The following COL3A1 variants were observed in gnomAD, a reference collection of about 807,000 sequenced individuals.
COL3A1 encodes collagen type III alpha 1 chain.
A neutral mutation model predicts 200.9 loss-of-function variants in COL3A1; 46 were observed. That is an observed-to-expected ratio of 0.23 (90% CI 0.18 to 0.29). COL3A1 has a LOEUF of 0.29. Among genes scored for constraint, COL3A1 ranks in the 10% least tolerant of loss-of-function variants. COL3A1 has a pLI of 1.00. For missense variants in COL3A1, 1,367 were observed against 1,917.6 expected, an observed-to-expected ratio of 0.71 and a Z score of 5.36; for synonymous variants, 650 against 628.0, an observed-to-expected ratio of 1.03 and a Z score of -0.52.
In COL3A1 at chr2:188,990,369, A is replaced by C; in HGVS notation, c.798+9A>C. The C allele has an allele frequency of 6.2e-7, 1 of 1,611,966 alleles. No individual in the cohort carries two copies. The highest frequency in any genetic ancestry group is 2.2e-5 in the East Asian group (1 of 44,814). On this transcript the variant is annotated intron_variant, in intron 10 of 50. Coordinates refer to ENST00000304636, the MANE Select transcript of COL3A1 (RefSeq NM_000090.4). ...GTATGAAAGGACACAGAGTAAGTAG[A>C]GTTTCTAAGTTGTTTACAAGGTATT...
Position 188,987,103 on chromosome 2 carries a change from A to T in COL3A1, c.492A>T (p.Val164=). 6.2e-7 allele frequency: 1 copy of T among 1,613,110 alleles called. No homozygotes were observed. The highest frequency in any genetic ancestry group is 1.3e-5 in the African/African-American group (1 of 75,016). Residue 164 remains valine (V), a synonymous_variant, in exon 5 of 51, where the codon GTA becomes GTT. Transcript: ENST00000304636. ...ATTCATATGATGTCAAGTCTGGAGT[A>T]GCAGTAGGAGGACTCGCAGGCTATC... ...QYDSYDVKSG[V]AVGGLAGYPG...
At position 188,999,451 on chromosome 2, in the gene COL3A1, A is replaced by G. The variant is rs1355273672; in HGVS notation, c.2122-19A>G. Reference sequence around the variant, plus strand: ...TTTGATTTCCTTCTGATCATTTATTATTTCTCACTTATTTTCAGGGTGCTG... The same window carrying G: ...TTTGATTTCCTTCTGATCATTTATTGTTTCTCACTTATTTTCAGGGTGCTG... On this transcript the variant is annotated intron_variant, in intron 30 of 50. Coordinates refer to ENST00000304636, the MANE Select transcript of COL3A1 (RefSeq NM_000090.4). The G allele has an allele frequency of 1.9e-6, 3 of 1,613,972 alleles. No homozygotes were observed. The highest frequency in any genetic ancestry group is 4.5e-5 in the East Asian group (2 of 44,864).
Position 188,994,876 on chromosome 2 carries a change from C to T in COL3A1, c.1455+45C>T. The stretch of plus-strand genomic sequence containing the variant: ...TCTAAAAGAAAAGCAGCATCACTGT[C>T]ATCTAAATAAAACTACCTTCAGGGT... On this transcript the variant is annotated intron_variant, in intron 20 of 50. Coordinates refer to ENST00000304636, the MANE Select transcript of COL3A1 (RefSeq NM_000090.4). This position sits in a 1 kb window ranked among gnomAD's most constrained non-coding sequence, Gnocchi z 4.5. 1 of 1,601,590 alleles carries T rather than the reference C, an allele frequency of 6.2e-7. No individual in the cohort carries two copies. Among genetic ancestry groups the T allele is most frequent in the Non-Finnish European group, 8.5e-7 (1 of 1,169,976 alleles).
chr2:188,998,808 C>T, intron 29 of COL3A1, 90 bp downstream of exon 29: 1 of 1,176,292 alleles, frequency 8.5e-7, no homozygotes, highest in Non-Finnish European at 1.3e-6. Context: ...CCAAAATACT[C>T]TTTCTTTAAA....
Position 189,011,687 on chromosome 2 carries a change from A to G in COL3A1, c.4314A>G (p.Arg1438=), listed in dbSNP as rs113250569. The stretch of plus-strand genomic sequence containing the variant: ...AATATCGAACACGCAAGGCTGTGAG[A>G]CTACCTATTGTAGATATTGCACCCT... ...VFEYRTRKAV[R]LPIVDIAPYD... Residue 1438 remains arginine (R), a synonymous_variant, in exon 51 of 51, where the codon AGA becomes AGG. Coordinates refer to ENST00000304636, the MANE Select transcript of COL3A1 (RefSeq NM_000090.4). 8 of 1,613,902 alleles carry G rather than the reference A, an allele frequency of 5.0e-6. No individual in the cohort carries two copies. Among genetic ancestry groups the G allele is most frequent in the Non-Finnish European group, 6.8e-6 (8 of 1,179,936 alleles).
At chr2:188,995,485 A>C (rs1688285392) in intron 21 of COL3A1, 2 of 563,542 alleles carry the variant, frequency 3.5e-6, no homozygotes, top group East Asian at 6.0e-5. Context: ...TGTTTTATTA[A>C]GCATGTGATG....
At chr2:188,976,444 C>A (rs976688841) in intron 1 of COL3A1, among the ~76,000 whole-genome samples, 15 of 152,174 alleles carry the variant, frequency 9.9e-5, no homozygotes, top group Non-Finnish European at 1.9e-4. Flanking sequence ...GAGAACTGTT[C>A]AGCCTATTTT....
intron 13 of COL3A1, 45 bp downstream of exon 13, chr2:188,991,767 A>G (rs2153502128): frequency 6.3e-7 from 1 of 1,591,174 alleles, no homozygotes; most frequent in African/African-American, 1.3e-5. Context: ...CCAAAGTGAC[A>G]GATTTTTACA....
At chr2:188,979,935 G>A (rs775350944) in intron 1 of COL3A1, among the ~76,000 whole-genome samples, 43 of 151,566 alleles carry the variant, frequency 2.8e-4, no homozygotes, top group Non-Finnish European at 5.6e-4. Context: ...GTAAAATTAG[G>A]ATTATGACAG....
At chr2:188,974,638 A>G (rs913962006) in intron 1 of COL3A1, 70 bp downstream of exon 1, 2 of 1,248,916 alleles carry the variant, frequency 1.6e-6, no homozygotes, top group African/African-American at 1.5e-5. Flanking sequence ...AGAGGGGTGT[A>G]AAGGGGAAAA....
Position 188,985,177 on chromosome 2 carries a change from G to GT in COL3A1, c.283-17dup. The GT allele has an allele frequency of 6.2e-7, 1 of 1,610,852 alleles. No homozygotes were observed. The highest frequency in any genetic ancestry group is 8.5e-7 in the Non-Finnish European group (1 of 1,177,468). ...GCAAATTCTGTGTCTTGTTTAACTTGTTTCTTTTCCATTTATTAGCCTACT... is the reference window on the plus strand; with the variant it reads ...GCAAATTCTGTGTCTTGTTTAACTTGTTTTCTTTTCCATTTATTAGCCTACT... On this transcript the variant is annotated intron_variant, in intron 2 of 50. Transcript: ENST00000304636.
chr2:189,009,516 A>C (rs913252541), intron 48 of COL3A1, among the ~76,000 whole-genome samples: 1 of 152,184 alleles, frequency 6.6e-6, no homozygotes, highest in Admixed American at 6.5e-5. Flanking sequence ...TCAGGATTAA[A>C]TATACATAAT....
At chr2:189,004,633 AAAC>A (rs1357234935) in intron 40 of COL3A1, among the ~76,000 whole-genome samples, 7 of 152,184 alleles carry the variant, frequency 4.6e-5, no homozygotes, top group African/African-American at 1.7e-4. Flanking sequence ...CTCTTTTAGG[AAAC>A]TTGTGAATAT....
chr2:188,995,150 A>C, intron 21 of COL3A1, 51 bp downstream of exon 21: 1 of 1,511,518 alleles, frequency 6.6e-7, no homozygotes, highest in Non-Finnish European at 9.2e-7. Context: ...ACAAATGGGC[A>C]GTTCTTGTAT....
At position 188,994,642 on chromosome 2, in the gene COL3A1, A is replaced by T. The variant is rs911616625; in HGVS notation, c.1347+48A>T. Reference sequence around the variant, plus strand: ...TGGTTATTTCTTGAAAAAATGCAACATAATTAGAAAGTAAACAGGTAAAAA... The same window carrying T: ...TGGTTATTTCTTGAAAAAATGCAACTTAATTAGAAAGTAAACAGGTAAAAA... On this transcript the variant is annotated intron_variant, in intron 19 of 50. Transcript: ENST00000304636. The surrounding 1 kb of genome is among the most constrained non-coding windows in gnomAD (Gnocchi z 4.5). 1.2e-6 allele frequency: 2 copies of T among 1,613,428 alleles called. No individual in the cohort carries two copies. The highest frequency in any genetic ancestry group is 1.7e-6 in the Non-Finnish European group (2 of 1,179,374).
chr2:188,977,153 C>A (rs899175416), intron 1 of COL3A1, among the ~76,000 whole-genome samples: 1 of 152,082 alleles, frequency 6.6e-6, no homozygotes, highest in African/African-American at 2.4e-5. Context: ...TTTTTCATGT[C>A]TCTGATGTAG....
Position 189,010,764 on chromosome 2 carries a change from T to C in COL3A1, c.4128T>C (p.Ile1376=). 1.2e-6 allele frequency: 2 copies of C among 1,614,134 alleles called. No individual in the cohort carries two copies. Among genetic ancestry groups the C allele is most frequent in the Non-Finnish European group, 1.7e-6 (2 of 1,180,010 alleles). The change falls in exon 50 of 51, where the codon ATT becomes ATC. Residue 1376 remains isoleucine (I), a synonymous_variant. Transcript: ENST00000304636. ...QNITYHCKNS[I]AYMDQASGNV... ...TCACATATCACTGCAAAAATAGCAT[T>C]GCATACATGGATCAGGCCAGTGGAA...
chr2:188,986,874 A>C (rs1363605653), intron 4 of COL3A1, among the ~76,000 whole-genome samples, 185 bp from the exon 5 acceptor site: 4 of 152,120 alleles, frequency 2.6e-5, no homozygotes, highest in Admixed American at 1.3e-4. Flanking sequence ...CTTCTGTAGG[A>C]TATCTAACGT....
intron 1 of COL3A1, among the ~76,000 whole-genome samples, chr2:188,978,821 A>G (rs1481994427): frequency 6.6e-6 from 1 of 151,726 alleles, no homozygotes; most frequent in African/African-American, 2.4e-5. Flanking sequence ...TTCAAAGGGG[A>G]AACTTTGCCT....
Sources: allele counts gnomAD v4.1 joint callset (sites outside exome capture counted in the v4.1 genomes callset), GRCh38; gene constraint gnomAD v4.1.1; non-coding constraint Gnocchi (gnomAD v3.1); transcripts MANE v1.5; gene names NCBI Gene and HGNC (gene_info 2026-07-23, HGNC 2026-07-21).